Variants in ENTPD1 observed in about 807,000 individuals in gnomAD.
The protein encoded by ENTPD1 is ATP diphosphohydrolase.
Under a neutral mutation model 57.0 loss-of-function variants are expected in ENTPD1, and 33 were observed. The observed-to-expected ratio is 0.58, with a 90% confidence interval of 0.44 to 0.77. The LOEUF is 0.77. Among genes scored for constraint, ENTPD1 ranks in the 30% least tolerant of loss-of-function variants. The pLI is 0.00. For synonymous variants in ENTPD1, 202 were observed against 218.8 expected, an observed-to-expected ratio of 0.92 and a Z score of 0.68; for missense variants, 501 against 603.4, an observed-to-expected ratio of 0.83 and a Z score of 1.78.
chr10:95,844,450 A>G, intron 4 of ENTPD1, 26 bp from the exon 5 acceptor site: 1 of 1,613,784 alleles, frequency 6.2e-7, no homozygotes, highest in Non-Finnish European at 8.5e-7. Context: ...AACAAAAATG[A>G]TAACCTCAGC....
At position 95,733,095 on chromosome 10, in the gene ENTPD1, A is replaced by C. The variant is rs1222961995; in HGVS notation, c.37+21102A>C. 3.3e-5 allele frequency among the ~76,000 whole-genome samples: 5 copies of C among 152,186 alleles called. No individual in the cohort carries two copies. The East Asian group carries it at 9.6e-4, about 29-fold the overall frequency. Reference sequence around the variant, plus strand: ...GCTACTGGAGACCAGGGCTTATTTCATCCCTTATCTTCAACCATAAAAGAC... The same window carrying C: ...GCTACTGGAGACCAGGGCTTATTTCCTCCCTTATCTTCAACCATAAAAGAC... On this transcript the variant is annotated intron_variant, in intron 1 of 9. Transcript: ENST00000453258.
chr10:95,768,238 G>A (rs1199981378), intron 1 of ENTPD1, among the ~76,000 whole-genome samples: 1 of 152,224 alleles, frequency 6.6e-6, no homozygotes, highest in Non-Finnish European at 1.5e-5. Flanking sequence ...AGATAACTGG[G>A]TATAGACTTC....
At chr10:95,849,570 T>C (rs2098441322) in intron 7 of ENTPD1, among the ~76,000 whole-genome samples, 1 of 152,228 alleles carries the variant, frequency 6.6e-6, no homozygotes, top group South Asian at 2.1e-4. Flanking sequence ...TGGCTTCTTA[T>C]GAACTGTATG....
intron 1 of ENTPD1, among the ~76,000 whole-genome samples, chr10:95,761,070 T>A (rs2098059522): frequency 1.3e-5 from 2 of 152,088 alleles, no homozygotes; most frequent in African/African-American, 4.8e-5. Context: ...GACCTCATGA[T>A]CCGCCCGTCT....
Position 95,876,693 on chromosome 10 carries a change from C to T in ENTPD1, c.*10310C>T. 1 of 1,197,350 alleles carries T rather than the reference C, an allele frequency of 8.4e-7. No individual in the cohort carries two copies. The highest frequency in any genetic ancestry group is 1.0e-6 in the Non-Finnish European group (1 of 961,270). 74.2% of individuals were successfully genotyped at this position (1,197,350 alleles called of 1,614,324 possible). A position where few individuals can be genotyped will look rare whatever the true frequency, so the allele number is the denominator to read the frequency against. On this transcript the variant is annotated 3_prime_UTR_variant, in exon 10 of 10. Transcript: ENST00000371205. ...CAGAAACAAACAAGTTATTTTAAAA[C>T]TTATTGGAATATTCAAATATTAACC...
chr10:95,850,604 CT>C (rs2098443359), intron 7 of ENTPD1, among the ~76,000 whole-genome samples: 1 of 152,136 alleles, frequency 6.6e-6, no homozygotes, highest in Non-Finnish European at 1.5e-5. Context: ...TATCAACTGG[CT>C]CACAAAAATC....
chr10:95,730,894 C>T (rs1477779173), intron 1 of ENTPD1, among the ~76,000 whole-genome samples: 1 of 152,164 alleles, frequency 6.6e-6, no homozygotes, highest in African/African-American at 2.4e-5. Context: ...TTCATAATAG[C>T]TTCATTAGGT....
At chr10:95,839,655 T>A in intron 2 of ENTPD1, 36 bp from the exon 3 acceptor site, 1 of 1,595,910 alleles carries the variant, frequency 6.3e-7, no homozygotes, top group Non-Finnish European at 8.6e-7. Context: ...ATGAGTGATG[T>A]GATACTGATA....
At chr10:95,758,943 G>A (rs1019980804) in intron 1 of ENTPD1, among the ~76,000 whole-genome samples, 4 of 152,140 alleles carry the variant, frequency 2.6e-5, no homozygotes, top group African/African-American at 4.8e-5. Context: ...GGTCAGCTTG[G>A]CAGCCACATT....
chr10:95,867,987 A>T lies in ENTPD1; in HGVS notation c.*1604A>T. Reference sequence around the variant, plus strand: ...TAGGAATCAAAATTCGAATTGGGACATGTTCAAATTCTTTCTTGTGGTAGT... The same window carrying T: ...TAGGAATCAAAATTCGAATTGGGACTTGTTCAAATTCTTTCTTGTGGTAGT... On this transcript the variant is annotated 3_prime_UTR_variant, in exon 10 of 10. Transcript: ENST00000371205. The T allele has an allele frequency of 6.1e-6, 6 of 985,506 alleles. No homozygotes were observed. Among genetic ancestry groups the T allele is most frequent in the Non-Finnish European group, 7.2e-6 (6 of 829,942 alleles). 61.0% of individuals were successfully genotyped at this position (985,506 alleles called of 1,614,324 possible).
chr10:95,859,068 G>A (rs958033861), intron 7 of ENTPD1, among the ~76,000 whole-genome samples: 1 of 152,086 alleles, frequency 6.6e-6, no homozygotes, highest in South Asian at 2.1e-4. Flanking sequence ...GAAAGTGGAA[G>A]AAAAAAATCA....
At chr10:95,789,706 T>C (rs2098195309) in intron 1 of ENTPD1, among the ~76,000 whole-genome samples, 1 of 152,160 alleles carries the variant, frequency 6.6e-6, no homozygotes, top group Admixed American at 6.5e-5. Flanking sequence ...TTATAAAAAG[T>C]TAACATTTAT....
rs2098485518 is a variant in ENTPD1, at chr10:95,876,133, A to G, written c.*9750A>G. ...ATAACTAAAAATAGAGCCTCAATAA[A>G]CAGATTCCCAGTTTTGAAAATGCAA... On this transcript the variant is annotated 3_prime_UTR_variant, in exon 10 of 10. Coordinates refer to ENST00000371205, the MANE Select transcript of ENTPD1 (RefSeq NM_001776.6). 1 of 985,290 alleles carries G rather than the reference A, an allele frequency of 1.0e-6. No individual in the cohort carries two copies. The highest frequency in any genetic ancestry group is 1.2e-6 in the Non-Finnish European group (1 of 829,912). 61.0% of individuals were successfully genotyped at this position (985,290 alleles called of 1,614,324 possible).
rs1269628188 is a variant in ENTPD1, at chr10:95,872,930, TGCAGC to T, written c.*6548_*6552del. The T allele has an allele frequency of 2.0e-6, 2 of 985,470 alleles. No individual in the cohort carries two copies. The highest frequency in any genetic ancestry group is 2.4e-6 in the Non-Finnish European group (2 of 829,934). The allele number at this position is 985,470 out of a possible 1,614,324, so 61.0% of individuals were successfully genotyped here. A position where few individuals can be genotyped will look rare whatever the true frequency, so the allele number is the denominator to read the frequency against. ...CCTTTAGTTTCTGTGTAGTTTGCCA[TGCAGC>T]ACTTCATTGTACACATTATTAAAAC... On this transcript the variant is annotated 3_prime_UTR_variant, in exon 10 of 10. Transcript: ENST00000371205.
At chr10:95,842,535 G>A (rs1343280236) in intron 4 of ENTPD1, 41 bp downstream of exon 4, 2 of 1,596,586 alleles carry the variant, frequency 1.3e-6, no homozygotes, top group African/African-American at 2.7e-5. Flanking sequence ...TGGGAGTTAG[G>A]CTTGGCAGTG....
intron 2 of ENTPD1, 114 bp from the exon 3 acceptor site, chr10:95,839,577 C>A: frequency 9.7e-7 from 1 of 1,033,092 alleles, no homozygotes; most frequent in South Asian, 1.3e-5. Context: ...CCTCAATGTT[C>A]CTCTCAAATA....
intron 1 of ENTPD1, among the ~76,000 whole-genome samples, chr10:95,720,976 C>T (rs983334985): frequency 2.6e-5 from 4 of 152,076 alleles, no homozygotes; most frequent in South Asian, 4.1e-4. Context: ...TATAAAAAAC[C>T]GAGGTTGCCA....
chr10:95,807,023 A>G (rs575061667), intron 1 of ENTPD1, among the ~76,000 whole-genome samples: 7 of 152,196 alleles, frequency 4.6e-5, no homozygotes, highest in Non-Finnish European at 1.0e-4. Context: ...CCATGCTGGG[A>G]GAACCACTGC....
chr10:95,785,795 A>G (rs1395419557), intron 1 of ENTPD1, among the ~76,000 whole-genome samples: 1 of 152,204 alleles, frequency 6.6e-6, no homozygotes, highest in Admixed American at 6.5e-5. Flanking sequence ...ATGTTATCAA[A>G]CTTTTGGACC....
Sources: gnomAD v4.1 joint callset for allele counts (sites outside exome capture counted in the v4.1 genomes callset) on GRCh38, gnomAD v4.1.1 for gene constraint, MANE v1.5 for transcripts, NCBI Gene and HGNC (gene_info 2026-07-23, HGNC 2026-07-21) for gene names.